The following KLHL14 variants were observed in gnomAD, a reference collection of about 807,000 sequenced individuals.
KLHL14 encodes the protein kelch like family member 14.
KLHL14 carries 22 observed loss-of-function variants against 64.3 expected under a neutral mutation model. The observed-to-expected ratio is 0.34, with a 90% CI of 0.24 to 0.49. The LOEUF is 0.49. Among genes scored for constraint, KLHL14 ranks in the 20% least tolerant of loss-of-function variants. The probability of loss-of-function intolerance (pLI) is 0.99; values close to 1 mark genes in which losing one functional copy is unlikely to be tolerated. For missense variants in KLHL14, 661 were observed against 789.0 expected (o/e 0.84, Z 1.94); for synonymous variants, 322 against 333.4 (o/e 0.97, Z 0.37).
intron 3 of KLHL14, among the ~76,000 whole-genome samples, chr18:32,709,250 T>C (rs1394998459): frequency 6.6e-6 from 1 of 152,172 alleles, no homozygotes; most frequent in Non-Finnish European, 1.5e-5. Flanking sequence ...TGTTCCTGTG[T>C]CAGGCCTTTG....
intron 2 of KLHL14, among the ~76,000 whole-genome samples, chr18:32,766,763 C>T (rs962564292): frequency 3.9e-5 from 6 of 151,960 alleles, no homozygotes; most frequent in Non-Finnish European, 8.8e-5. Context: ...TTAGAAAAAC[C>T]AAGCAACAAG....
Position 32,770,641 on chromosome 18 carries a change from G to A in KLHL14, c.-43-7C>T, listed in dbSNP as rs1234848033. The A allele has an allele frequency of 1.2e-6, 1 of 819,004 alleles. No homozygotes were observed. The highest frequency in any genetic ancestry group is 1.7e-6 in the Non-Finnish European group (1 of 576,234). The allele number at this position is 819,004 out of a possible 1,614,324, so 50.7% of individuals were successfully genotyped here. Reference sequence around the variant, plus strand: ...CTTTAAACCCTCCTCCAACCTGGCAGACAGGGGTGGGGGATGGGAGGGAGG... The same window carrying A: ...CTTTAAACCCTCCTCCAACCTGGCAAACAGGGGTGGGGGATGGGAGGGAGG... On this transcript the variant is annotated splice_region_variant and splice_polypyrimidine_tract_variant and intron_variant, in intron 1 of 8. Coordinates refer to ENST00000359358, the MANE Select transcript of KLHL14 (RefSeq NM_020805.3). This position sits in a 1 kb window ranked among gnomAD's most constrained non-coding sequence, Gnocchi z 6.7.
At chr18:32,761,481 C>T (rs1286304783) in intron 2 of KLHL14, among the ~76,000 whole-genome samples, 1 of 146,976 alleles carries the variant, frequency 6.8e-6, no homozygotes, top group African/African-American at 2.6e-5. Context: ...TCAGCTTTGC[C>T]TCTCCAATTG....
Position 32,674,641 on chromosome 18 carries a change from C to T in KLHL14, c.*16G>A. The T allele has an allele frequency of 1.3e-6, 1 of 779,716 alleles. No individual in the cohort carries two copies. Among genetic ancestry groups the T allele is most frequent in the Admixed American group, 1.7e-5 (1 of 58,952 alleles). The allele number at this position is 779,716 out of a possible 1,614,324, so 48.3% of individuals were successfully genotyped here. ...TTCCTAGAATGTGATACTGTTCATTCCAGAGTTTCCTGGTGTTATTTGTTG... is the reference window on the plus strand; with the variant it reads ...TTCCTAGAATGTGATACTGTTCATTTCAGAGTTTCCTGGTGTTATTTGTTG... On this transcript the variant is annotated 3_prime_UTR_variant, in exon 9 of 9. Coordinates refer to ENST00000359358, the MANE Select transcript of KLHL14 (RefSeq NM_020805.3).
At chr18:32,677,404 T>TA (rs11386624) in intron 7 of KLHL14, 74 bp from the exon 8 acceptor site, 335,275 of 1,339,078 alleles carry the variant, frequency 0.25, 43,876 homozygotes, top group African/African-American at 0.31. Context: ...GGGCTTCTTT[T>TA]AAAAACAAGT....
chr18:32,739,642 GCACACACACACACA>G (rs61442102), intron 3 of KLHL14, among the ~76,000 whole-genome samples: 2 of 147,188 alleles, frequency 1.4e-5, no homozygotes, highest in East Asian at 2.0e-4. Flanking sequence ...TAAGAACTTT[GCACACACACACACA>G]CACACACACA....
At chr18:32,754,946 A>G (rs1446159830) in intron 2 of KLHL14, among the ~76,000 whole-genome samples, 1 of 152,098 alleles carries the variant, frequency 6.6e-6, no homozygotes, top group East Asian at 1.9e-4. Flanking sequence ...GGTTATCCTT[A>G]TTTTTGTGTA....
chr18:32,715,943 A>C (rs1285980442), intron 3 of KLHL14, among the ~76,000 whole-genome samples: 1 of 152,230 alleles, frequency 6.6e-6, no homozygotes, highest in East Asian at 1.9e-4. Context: ...GTTGAAAGAA[A>C]GGTCTATAGG....
intron 2 of KLHL14, among the ~76,000 whole-genome samples, chr18:32,746,891 G>A (rs2050226473): frequency 1.3e-5 from 2 of 152,088 alleles, no homozygotes; most frequent in Admixed American, 6.5e-5. Context: ...TTCAGTTCTC[G>A]ACTCTCAGAG....
At chr18:32,714,284 C>T (rs938360978) in intron 3 of KLHL14, among the ~76,000 whole-genome samples, 2 of 152,128 alleles carry the variant, frequency 1.3e-5, no homozygotes, top group Admixed American at 6.6e-5. Flanking sequence ...CTCCATGGCT[C>T]TCTATGAGTT....
At chr18:32,718,230 T>G (rs2132819) in intron 3 of KLHL14, among the ~76,000 whole-genome samples, 43,765 of 152,122 alleles carry the variant, frequency 0.29, 6,487 homozygotes, top group African/African-American at 0.34. Context: ...TATAGAATAG[T>G]ATCCAAATGC....
chr18:32,764,085 G>T (rs1216088955), intron 2 of KLHL14, among the ~76,000 whole-genome samples: 3 of 152,164 alleles, frequency 2.0e-5, no homozygotes, highest in Non-Finnish European at 4.4e-5. Context: ...TTGTTCACAT[G>T]TTCATTTAGT....
intron 2 of KLHL14, chr18:32,743,225 A>G (rs1169063562): frequency 6.6e-6 from 1 of 152,220 alleles, no homozygotes; most frequent in African/African-American, 2.4e-5. Context: ...ATAAATACAA[A>G]AGGATTCCTC....
chr18:32,704,957 C>T (rs143514577), intron 3 of KLHL14, among the ~76,000 whole-genome samples: 3 of 152,196 alleles, frequency 2.0e-5, no homozygotes, highest in Non-Finnish European at 4.4e-5. Flanking sequence ...GAGGAAATGA[C>T]TAAAACTTCA....
Position 32,770,326 on chromosome 18 carries a change from T to A in KLHL14, c.266A>T (p.Gln89Leu). 1.3e-6 allele frequency: 2 copies of A among 1,583,874 alleles called. No homozygotes were observed. The highest frequency in any genetic ancestry group is 1.7e-6 in the Non-Finnish European group (2 of 1,165,584). Residue 89 changes from glutamine to leucine, a missense_variant, in exon 2 of 9, where the codon CAG becomes CTG. Gln to Leu is a moderately radical substitution (Grantham distance 113, BLOSUM62 -2). Transcript: ENST00000359358. The surrounding 1 kb of genome is among the most constrained non-coding windows in gnomAD (Gnocchi z 6.7). ...GAPKDQQQPPQQQPSQQQQPP... is the reference protein window; with the variant it reads ...GAPKDQQQPPLQQPSQQQQPP... ...CTGCTGCTGCTGTGACGGCTGCTGCTGCGGCGGCTGCTGCTGGTCCTTGGG... is the reference window on the plus strand; with the variant it reads ...CTGCTGCTGCTGTGACGGCTGCTGCAGCGGCGGCTGCTGCTGGTCCTTGGG...
chr18:32,766,425 T>C (rs1230549258), intron 2 of KLHL14, among the ~76,000 whole-genome samples: 4 of 152,062 alleles, frequency 2.6e-5, no homozygotes, highest in African/African-American at 7.2e-5. Context: ...AATATTGACT[T>C]GTAGAAAGAT....
At chr18:32,769,621 G>T in intron 2 of KLHL14, 24 bp downstream of exon 2, 2 of 493,154 alleles carry the variant, frequency 4.1e-6, no homozygotes, top group Non-Finnish European at 2.7e-6. Flanking sequence ...CCCCTCCCCC[G>T]CCCTCCTCTT....
At chr18:32,677,100 A>C in intron 8 of KLHL14, 73 bp downstream of exon 8, 1 of 1,469,672 alleles carries the variant, frequency 6.8e-7, no homozygotes, top group Non-Finnish European at 9.3e-7. Flanking sequence ...GTGGAGGATA[A>C]CACATTTGGA....
At position 32,695,565 on chromosome 18, in the gene KLHL14, A is replaced by G. The variant is rs765151740; in HGVS notation, c.1070-13T>C. On this transcript the variant is annotated splice_polypyrimidine_tract_variant and intron_variant, in intron 3 of 8. Transcript: ENST00000359358. ...TTGTATGGCATAACTGAAATTAAGAAAAAAAAAAAAGACATATGAAATTTT... is the reference window on the plus strand; with the variant it reads ...TTGTATGGCATAACTGAAATTAAGAGAAAAAAAAAAGACATATGAAATTTT... 3 of 1,478,580 alleles carry G rather than the reference A, an allele frequency of 2.0e-6. No homozygotes were observed. The highest frequency in any genetic ancestry group is 1.2e-5 in the South Asian group (1 of 81,882). 91.6% of individuals were successfully genotyped at this position (1,478,580 alleles called of 1,614,324 possible).
Sources: allele counts gnomAD v4.1 joint callset (sites outside exome capture counted in the v4.1 genomes callset), GRCh38; gene constraint gnomAD v4.1.1; non-coding constraint Gnocchi (gnomAD v3.1); transcripts MANE v1.5; gene names NCBI Gene and HGNC (gene_info 2026-07-23, HGNC 2026-07-21).